The following HELZ variants were observed in gnomAD, a reference collection of about 807,000 sequenced individuals.
The protein encoded by HELZ is ATP-dependent RNA helicase with zinc finger domain.
Under a neutral mutation model 218.2 loss-of-function variants are expected in HELZ, and 23 were observed. The observed-to-expected ratio is 0.11, with a 90% CI of 0.08 to 0.15. HELZ has a LOEUF of 0.15. HELZ is among the 10% of genes least tolerant of loss of function. HELZ has a pLI of 1.00. For synonymous variants in HELZ, 814 were observed against 829.4 expected (o/e 0.98, Z 0.32); for missense variants, 1,813 against 2,353.7 (o/e 0.77, Z 4.75).
chr17:67,119,993 CTTTTT>C (rs56893875), intron 27 of HELZ: 115 of 161,686 alleles, frequency 7.1e-4, no homozygotes, highest in Non-Finnish European at 7.8e-4. Flanking sequence ...TCTCCCTTTT[CTTTTT>C]TTTTTTTTTT....
chr17:67,154,100 G>A (rs2038769078), intron 17 of HELZ, among the ~76,000 whole-genome samples: 1 of 152,140 alleles, frequency 6.6e-6, no homozygotes, highest in South Asian at 2.1e-4. Context: ...ATTATTTTTG[G>A]AAGCAAACCA....
rs151279523 is a variant in HELZ, at chr17:67,164,231, A to T, written c.1895+2247T>A. Among the ~76,000 whole-genome samples, 401 of 152,340 alleles carry T rather than the reference A, an allele frequency of 2.6e-3. 2 individuals are homozygous for T. The highest frequency in any genetic ancestry group is 9.3e-3 in the African/African-American group (388 of 41,580). On this transcript the variant is annotated intron_variant, in intron 15 of 32. Coordinates refer to ENST00000358691, the MANE Select transcript of HELZ (RefSeq NM_014877.4). ...TGTTCACGAATTAATTGATAAACTGAGAGAAATTATGCTTGAAAACACAAA... is the reference window on the plus strand; with the variant it reads ...TGTTCACGAATTAATTGATAAACTGTGAGAAATTATGCTTGAAAACACAAA...
chr17:67,206,542 T>C (rs1226297410), intron 5 of HELZ, among the ~76,000 whole-genome samples: 1 of 152,002 alleles, frequency 6.6e-6, no homozygotes, highest in Non-Finnish European at 1.5e-5. Flanking sequence ...AACAAGCTTA[T>C]AGTAAATGTT....
chr17:67,148,773 C>A lies in HELZ; in HGVS notation c.2476-59G>T. ...TGAACATACAAATAGTATTTTTTAA[C>A]CTACTTATAAAAAATCCACTATGCT... On this transcript the variant is annotated intron_variant, in intron 19 of 32. Transcript: ENST00000358691. The A allele has an allele frequency of 5.4e-6, 8 of 1,473,126 alleles. No individual in the cohort carries two copies. In the South Asian group the frequency reaches 8.2e-5, roughly 15 times the overall value. 91.3% of individuals were successfully genotyped at this position (1,473,126 alleles called of 1,614,324 possible).
chr17:67,172,711 G>A (rs1248368106), intron 13 of HELZ, among the ~76,000 whole-genome samples: 6 of 152,118 alleles, frequency 3.9e-5, no homozygotes, highest in East Asian at 1.9e-4. Flanking sequence ...GAGCTCAAGC[G>A]ATCCTCCCCT....
chr17:67,167,795 A>G lies in HELZ; in HGVS notation c.1432T>C (p.Phe478Leu). The change falls in exon 14 of 33, where the codon TTC becomes CTC. Residue 478 changes from phenylalanine to leucine, a missense_variant and splice_region_variant. By Grantham distance (22) the Phe-to-Leu change is conservative (BLOSUM62 0). Around this residue, in one of 4 missense-constraint regions of HELZ, gnomAD observed 714 missense variants for 1,029.2 expected, o/e 0.69. Transcript: ENST00000358691. ...EIAQYKEISK[F>L]NLKVQLQILA... Reference sequence around the variant, plus strand: ...ATCTGCAATTGCACTTTAAGGTTGAACCTAAACCAGAAGTAGAAAACTAGT... The same window carrying G: ...ATCTGCAATTGCACTTTAAGGTTGAGCCTAAACCAGAAGTAGAAAACTAGT... The G allele has an allele frequency of 6.3e-7, 1 of 1,583,162 alleles. No individual in the cohort carries two copies. The highest frequency in any genetic ancestry group is 1.2e-5 in the South Asian group (1 of 86,860).
Position 67,136,064 on chromosome 17 carries a change from T to G in HELZ, c.3088A>C (p.Asn1030His). The G allele has an allele frequency of 6.2e-7, 1 of 1,614,000 alleles. No homozygotes were observed. Among genetic ancestry groups the G allele is most frequent in the Non-Finnish European group, 8.5e-7 (1 of 1,179,918 alleles). ...TEDLDYGFLS[N>H]YKLLNTAITR... is the part of the protein sequence containing the mutation. The stretch of plus-strand genomic sequence containing the variant: ...ATGGCAGTATTGAGAAGCTTGTAGT[T>G]AGATAAAAAACCATAATCTAAGTCC... The change falls in exon 23 of 33, where the codon AAC (asparagine) becomes CAC (histidine). Residue 1030 changes from asparagine to histidine, a missense_variant. Asn to His is a moderately conservative substitution (Grantham distance 68). Coordinates refer to ENST00000358691, the MANE Select transcript of HELZ (RefSeq NM_014877.4).
At chr17:67,119,999 T>TTTTTC (rs2037553812) in intron 27 of HELZ, 2 of 332,906 alleles carry the variant, frequency 6.0e-6, no homozygotes, top group Non-Finnish European at 1.1e-5. Context: ...TTTTCTTTTT[T>TTTTTC]TTTTTTTTTT....
At chr17:67,214,876 T>G (rs539039443) in intron 5 of HELZ, among the ~76,000 whole-genome samples, 2 of 152,242 alleles carry the variant, frequency 1.3e-5, no homozygotes, top group South Asian at 4.2e-4. Flanking sequence ...CCAGGTGCGG[T>G]GGCTCATGCC....
chr17:67,127,783 T>C (rs955760421), intron 24 of HELZ, among the ~76,000 whole-genome samples: 1 of 151,668 alleles, frequency 6.6e-6, no homozygotes, highest in Non-Finnish European at 1.5e-5. Context: ...GAGGCGGAGG[T>C]TGCAGTGAGC....
intron 31 of HELZ, among the ~76,000 whole-genome samples, chr17:67,093,326 G>A (rs768411953): frequency 6.6e-6 from 1 of 151,508 alleles, no homozygotes; most frequent in African/African-American, 2.4e-5. Context: ...AAGTACAAAG[G>A]TATCAAAGTA....
intron 17 of HELZ, among the ~76,000 whole-genome samples, chr17:67,156,564 C>G (rs888050999): frequency 6.6e-6 from 1 of 152,062 alleles, no homozygotes; most frequent in African/African-American, 2.4e-5. Context: ...CCAGGCCCAG[C>G]GAGTTACCTG....
In HELZ at chr17:67,107,375, G is replaced by T. The variant is rs766841984; in HGVS notation, c.5035C>A (p.Pro1679Thr). ...TTAGCAAAAGTCCATGCTCCATCAG[G>T]TGCCAGGTATTTCAAGGGAGGAGGG... ...LAPPPLKYLA[P>T]DGAWTFANLQ... is the part of the protein sequence containing the mutation. Residue 1679 changes from proline to threonine, a missense_variant, in exon 31 of 33, where the codon CCT (proline) becomes ACT (threonine). Physicochemically the swap from Pro to Thr is conservative, Grantham distance 38. Transcript: ENST00000358691. 23 of 1,614,072 alleles carry T rather than the reference G, an allele frequency of 1.4e-5. No individual in the cohort carries two copies.
chr17:67,109,997 T>C (rs753344316), intron 28 of HELZ, among the ~76,000 whole-genome samples: 1 of 152,234 alleles, frequency 6.6e-6, no homozygotes, highest in Non-Finnish European at 1.5e-5. Flanking sequence ...CTTAGAAAGA[T>C]GGCCATTTAT....
In HELZ at chr17:67,071,449, C is replaced by T. The variant is rs1057241121; in HGVS notation, c.*6803G>A. 2.6e-5 allele frequency: 4 copies of T among 152,196 alleles called. No individual in the cohort carries two copies. The highest frequency in any genetic ancestry group is 7.2e-5 in the African/African-American group (3 of 41,432). The allele number at this position is 152,196 out of a possible 1,614,324, so 9.4% of individuals were successfully genotyped here. A position where few individuals can be genotyped will look rare whatever the true frequency, so the allele number is the denominator to read the frequency against. ...AGGCTGAAAATATAAACAATCCTCT[C>T]CAAAGGTGAGCAAGCCTTTTCAGTA... On this transcript the variant is annotated 3_prime_UTR_variant, in exon 33 of 33. Transcript: ENST00000358691.
chr17:67,229,869 G>C (rs2040989640), intron 3 of HELZ, among the ~76,000 whole-genome samples: 1 of 152,162 alleles, frequency 6.6e-6, no homozygotes, highest in Non-Finnish European at 1.5e-5. Flanking sequence ...GAGTATGCAA[G>C]AAGCATTAGA....
In HELZ at chr17:67,109,218, T is replaced by C. The variant is rs1227388744; in HGVS notation, c.4387A>G (p.Ser1463Gly). Residue 1463 changes from serine to glycine, a missense_variant, in exon 29 of 33, where the codon AGT becomes GGT. By Grantham distance (56) the Ser-to-Gly change is moderately conservative. This residue lies in a region of HELZ where 938 missense variants were observed against 1,027.5 expected (regional missense o/e 0.91). Transcript: ENST00000358691. ...QPPPMLQEGH[S>G]PLRAIAQPGP... The stretch of plus-strand genomic sequence containing the variant: ...GGTTGTGCAATGGCTCTCAGAGGAC[T>C]GTGGCCTTCTTGCAGCATGGGAGGG... The C allele has an allele frequency of 1.2e-6, 2 of 1,614,050 alleles. No homozygotes were observed. Among genetic ancestry groups the C allele is most frequent in the Admixed American group, 3.3e-5 (2 of 60,002 alleles).
chr17:67,139,212 G>A (rs537865729), intron 21 of HELZ, among the ~76,000 whole-genome samples: 18 of 152,242 alleles, frequency 1.2e-4, no homozygotes, highest in African/African-American at 4.3e-4. Flanking sequence ...GTGAACTACA[G>A]AGGTAAGGAC....
At chr17:67,192,438 A>G (rs2039922143) in intron 9 of HELZ, among the ~76,000 whole-genome samples, 1 of 152,172 alleles carries the variant, frequency 6.6e-6, no homozygotes, top group Admixed American at 6.5e-5. Flanking sequence ...AAATTATACT[A>G]TTTATTAAAT....
Sources: gnomAD v4.1 joint callset for allele counts (sites outside exome capture counted in the v4.1 genomes callset) on GRCh38, gnomAD v4.1.1 for gene constraint, gnomAD v4.1.1 regional missense constraint, MANE v1.5 for transcripts, NCBI Gene and HGNC (gene_info 2026-07-23, HGNC 2026-07-21) for gene names.